DLGAP2: variants seen among roughly 807,000 people sequenced by gnomAD.
DLGAP2 encodes the protein disks large-associated protein 2.
DLGAP2 carries 26 observed loss-of-function variants against 100.3 expected under a neutral mutation model. That is an observed-to-expected ratio of 0.26 (90% CI 0.19 to 0.36). DLGAP2 has a LOEUF of 0.36. DLGAP2 is among the 10% of genes least tolerant of loss of function. DLGAP2 has a pLI of 1.00. For missense variants in DLGAP2, 1,858 were observed against 1,453.2 expected, an observed-to-expected ratio of 1.28 and a Z score of -4.53; for synonymous variants, 886 against 630.1, an observed-to-expected ratio of 1.41 and a Z score of -6.08.
intron 2 of DLGAP2, among the ~76,000 whole-genome samples, chr8:919,926 C>G (rs1798673534): frequency 6.6e-6 from 1 of 152,160 alleles, no homozygotes; most frequent in South Asian, 2.1e-4. Flanking sequence ...TAACTCCCTT[C>G]CACCCCATGT....
chr8:1,301,682 G>C (rs1490987409), intron 3 of DLGAP2: 1 of 152,232 alleles, frequency 6.6e-6, no homozygotes, highest in East Asian at 1.9e-4. Flanking sequence ...ACAAGTTGGA[G>C]ATGATTCCAG....
At chr8:1,065,314 C>T (rs995083746) in intron 2 of DLGAP2, among the ~76,000 whole-genome samples, 1 of 152,164 alleles carries the variant, frequency 6.6e-6, no homozygotes, top group Non-Finnish European at 1.5e-5. Flanking sequence ...CAGTAAAATT[C>T]GCATTTTTCA....
chr8:1,455,216 C>T (rs1185218612), intron 3 of DLGAP2, among the ~76,000 whole-genome samples: 2 of 152,376 alleles, frequency 1.3e-5, no homozygotes, highest in African/African-American at 2.4e-5. Flanking sequence ...AAGGTCACAG[C>T]GCTCCACGTG....
At chr8:1,246,440 G>C (rs533193142) in intron 2 of DLGAP2, among the ~76,000 whole-genome samples, 3 of 152,296 alleles carry the variant, frequency 2.0e-5, no homozygotes, top group African/African-American at 7.2e-5. Context: ...GAGAGCACAG[G>C]GACCTTCTCC....
chr8:1,428,771 T>C (rs142108829), intron 3 of DLGAP2, among the ~76,000 whole-genome samples: 1 of 152,292 alleles, frequency 6.6e-6, no homozygotes, highest in South Asian at 2.1e-4. Flanking sequence ...GAAGAGGCCA[T>C]GTGGCTCATA....
chr8:1,363,769 T>C (rs1802039848), intron 3 of DLGAP2, among the ~76,000 whole-genome samples: 1 of 152,180 alleles, frequency 6.6e-6, no homozygotes, highest in East Asian at 1.9e-4. Context: ...CCTTGCTGTG[T>C]GGGAACCACG....
intron 2 of DLGAP2, among the ~76,000 whole-genome samples, chr8:936,140 G>C (rs1225524484): frequency 6.6e-6 from 1 of 152,160 alleles, no homozygotes; most frequent in Non-Finnish European, 1.5e-5. Flanking sequence ...GTGTGTCGCT[G>C]AGTCACAGTC....
intron 1 of DLGAP2, among the ~76,000 whole-genome samples, chr8:837,991 T>C (rs141201703): frequency 0.017 from 2,547 of 151,486 alleles, 71 homozygotes; most frequent in African/African-American, 0.059. Context: ...CCTCCCAAAG[T>C]GCTGGGGTTA....
intron 2 of DLGAP2, among the ~76,000 whole-genome samples, chr8:932,040 C>T (rs1254174282): frequency 6.6e-6 from 1 of 152,072 alleles, no homozygotes; most frequent in Non-Finnish European, 1.5e-5. Flanking sequence ...GGAAATATTC[C>T]CTTCTAGGAA....
chr8:1,508,288 C>T (rs571574754), intron 4 of DLGAP2, among the ~76,000 whole-genome samples: 35 of 95,508 alleles, frequency 3.7e-4, no homozygotes, highest in Admixed American at 4.7e-4. Flanking sequence ...ACCCCGCAAA[C>T]CCCCGCCACC....
At chr8:1,578,190 T>C (rs7015811) in intron 6 of DLGAP2, among the ~76,000 whole-genome samples, 86,581 of 152,110 alleles carry the variant, frequency 0.57, 25,433 homozygotes, top group African/African-American at 0.72. Context: ...ATTCAAATGA[T>C]AAAAATGATA....
intron 2 of DLGAP2, among the ~76,000 whole-genome samples, chr8:1,173,052 G>T (rs1048106481): frequency 6.6e-6 from 1 of 152,068 alleles, no homozygotes; most frequent in Non-Finnish European, 1.5e-5. Context: ...TGTACAGATG[G>T]GTTTTTGGTG....
intron 2 of DLGAP2, among the ~76,000 whole-genome samples, chr8:947,479 C>T (rs1023553601): frequency 1.2e-4 from 19 of 152,216 alleles, no homozygotes; most frequent in African/African-American, 3.1e-4. Context: ...AGCGTAGAGA[C>T]GGTGGCGGCT....
intron 1 of DLGAP2, among the ~76,000 whole-genome samples, chr8:783,434 GT>G (rs2132627137): frequency 6.6e-6 from 1 of 152,312 alleles, no homozygotes; most frequent in East Asian, 1.9e-4. Flanking sequence ...ACTTGTGACT[GT>G]TTGCACTAGG....
chr8:1,093,061 G>A (rs1200858273), intron 2 of DLGAP2, among the ~76,000 whole-genome samples: 1 of 152,148 alleles, frequency 6.6e-6, no homozygotes, highest in Non-Finnish European at 1.5e-5. Flanking sequence ...GCTGGCAGCT[G>A]AGGCTGAAAA....
intron 2 of DLGAP2, among the ~76,000 whole-genome samples, chr8:972,999 G>A (rs1254759824): frequency 6.6e-6 from 1 of 152,230 alleles, no homozygotes; most frequent in African/African-American, 2.4e-5. Context: ...ACAAAATGGA[G>A]TCCCCTATGT....
At chr8:1,560,147 T>C (rs1802111380) in intron 5 of DLGAP2, among the ~76,000 whole-genome samples, 1 of 152,246 alleles carries the variant, frequency 6.6e-6, no homozygotes, top group African/African-American at 2.4e-5. Context: ...GAAAAGTCAT[T>C]GAAAACCCTG....
At chr8:1,077,124 G>C (rs924466969) in intron 2 of DLGAP2, among the ~76,000 whole-genome samples, 1 of 152,134 alleles carries the variant, frequency 6.6e-6, no homozygotes, top group Non-Finnish European at 1.5e-5. Flanking sequence ...TGATAGTCCC[G>C]ATCCCAGCCT....
intron 4 of DLGAP2, among the ~76,000 whole-genome samples, chr8:1,547,682 C>T (rs1339064393): frequency 6.6e-6 from 1 of 152,176 alleles, no homozygotes; most frequent in Admixed American, 6.5e-5. Context: ...GGCTCAGTGG[C>T]CATAAGACAG....
Sources: gnomAD v4.1 joint callset for allele counts (sites outside exome capture counted in the v4.1 genomes callset) on GRCh38, gnomAD v4.1.1 for gene constraint, MANE v1.5 for transcripts, NCBI Gene and HGNC (gene_info 2026-07-23, HGNC 2026-07-21) for gene names.